TRIM41: variants seen among roughly 807,000 people sequenced by gnomAD.
TRIM41 encodes the protein tripartite motif containing 41, also known as E3 ubiquitin-protein ligase TRIM41.
TRIM41 carries 21 observed loss-of-function variants against 60.6 expected under a neutral mutation model. The observed-to-expected ratio is 0.35, with a 90% CI of 0.25 to 0.50. TRIM41 has a LOEUF of 0.50. Among genes scored for constraint, TRIM41 ranks in the 20% least tolerant of loss-of-function variants. TRIM41 has a pLI of 0.98. For missense variants in TRIM41, 846 were observed against 868.3 expected, an observed-to-expected ratio of 0.97 and a Z score of 0.32; for synonymous variants, 407 against 344.9, an observed-to-expected ratio of 1.18 and a Z score of -2.00.
rs1307691160 is a variant in TRIM41 at position 181,224,278 on chromosome 5, T to G, written c.279T>G (p.Gly93=). The change falls in exon 1 of 6, where the codon GGT becomes GGG. Residue 93 remains glycine (G), a synonymous_variant. Transcript: ENST00000315073. Reference sequence around the variant, plus strand: ...CCATGCGGGATGAAGACTACGAGGGTGACATGGAGGAGGAGGTCGAGGAGG... The same window carrying G: ...CCATGCGGGATGAAGACTACGAGGGGGACATGGAGGAGGAGGTCGAGGAGG... The part of the protein sequence containing the change: ...DTPMRDEDYE[G]DMEEEVEEEE... The G allele has an allele frequency of 1.2e-6, 2 of 1,612,466 alleles. No homozygotes were observed. Among genetic ancestry groups the G allele is most frequent in the South Asian group, 1.1e-5 (1 of 90,998 alleles).
chr5:181,230,938 G>T, intron 2 of TRIM41, 99 bp downstream of exon 2: 1 of 1,084,678 alleles, frequency 9.2e-7, no homozygotes, highest in Non-Finnish European at 1.4e-6. Context: ...CCCCTGAGGA[G>T]GGGACAGCTA....
At position 181,223,509 on chromosome 5, in the gene TRIM41, G is replaced by GC. The variant is rs1374246173; in HGVS notation, c.-488dup. The GC allele has an allele frequency of 7.3e-6, 3 of 413,610 alleles. No homozygotes were observed. The highest frequency in any genetic ancestry group is 3.4e-5 in the East Asian group (1 of 29,358). The allele number at this position is 413,610 out of a possible 1,614,324, so 25.6% of individuals were successfully genotyped here. A position where few individuals can be genotyped will look rare whatever the true frequency, so the allele number is the denominator to read the frequency against. On this transcript the variant is annotated 5_prime_UTR_variant, in exon 1 of 6. It introduces an in-frame stop codon into an upstream open reading frame of the 5' UTR. Coordinates refer to ENST00000315073, the MANE Select transcript of TRIM41 (RefSeq NM_033549.5). ...AGAGACGCGGGCCTCCACCGTCCTA[G>GC]CCCTCCCGCCCTGTTCTCTAGTGCG...
chr5:181,224,865 G>T (rs769044764), intron 1 of TRIM41, 53 bp downstream of exon 1: 1 of 1,610,276 alleles, frequency 6.2e-7, no homozygotes, highest in South Asian at 1.1e-5. Context: ...TGGAGAGGAA[G>T]TAAGGGGACC....
Position 181,234,289 on chromosome 5 carries a change from C to G in TRIM41, c.1407C>G (p.Phe469Leu). Residue 469 changes from phenylalanine (F) to leucine (L), a missense_variant, in exon 6 of 6, where the codon TTC (phenylalanine) becomes TTG (leucine). Physicochemically the swap from Phe to Leu is conservative, Grantham distance 22. Transcript: ENST00000315073. The surrounding 1 kb of genome is among the most constrained non-coding windows in gnomAD (Gnocchi z 5.6). ...RQEVADHPKR[F>L]SADCCVLGAQ... ...AGGTTGCTGACCATCCCAAGCGCTT[C>G]TCGGCCGACTGCTGCGTACTGGGGG... 6.2e-7 allele frequency: 1 copy of G among 1,612,810 alleles called. No individual in the cohort carries two copies. Among genetic ancestry groups the G allele is most frequent in the Non-Finnish European group, 8.5e-7 (1 of 1,179,828 alleles).
chr5:181,229,566 T>TA lies in TRIM41; in HGVS notation c.814-1177dup, dbSNP rs1758702744. 2.0e-5 allele frequency: 3 copies of TA among 152,362 alleles called. No homozygotes were observed. In the East Asian group the frequency reaches 5.8e-4, roughly 29 times the overall value. The allele number at this position is 152,362 out of a possible 1,614,324, so 9.4% of individuals were successfully genotyped here. ...TCGTGTGCCTATTGGCTATAACAGT[T>TA]ACAACCTTTGGAAGAGGGGTTTCGG... is the stretch of plus-strand genomic sequence containing the variant. On this transcript the variant is annotated intron_variant, in intron 1 of 5. Coordinates refer to ENST00000315073, the MANE Select transcript of TRIM41 (RefSeq NM_033549.5).
chr5:181,235,152 A>G lies in TRIM41; in HGVS notation c.*377A>G. 6.5e-7 allele frequency: 1 copy of G among 1,540,850 alleles called. No individual in the cohort carries two copies. Among genetic ancestry groups the G allele is most frequent in the Admixed American group, 2.0e-5 (1 of 50,036 alleles). ...CCCACCCCTGCTCTTCAACCTCTTT[A>G]TCAGTTCTGAGGCTGGAGGGTTTGG... is the stretch of plus-strand genomic sequence containing the variant. On this transcript the variant is annotated 3_prime_UTR_variant, in exon 6 of 6. Coordinates refer to ENST00000315073, the MANE Select transcript of TRIM41 (RefSeq NM_033549.5).
chr5:181,235,736 G>A lies in TRIM41; in HGVS notation c.*961G>A, dbSNP rs1759086748. ...TGCAGCTTTCGCCCTCTGCTTTGATGGCTGAGGTGAACTCATGTTCTTTGG... is the reference window on the plus strand; with the variant it reads ...TGCAGCTTTCGCCCTCTGCTTTGATAGCTGAGGTGAACTCATGTTCTTTGG... On this transcript the variant is annotated 3_prime_UTR_variant, in exon 6 of 6. Transcript: ENST00000315073. The A allele has an allele frequency of 1.8e-5, 5 of 273,248 alleles. No individual in the cohort carries two copies. The highest frequency in any genetic ancestry group is 3.6e-5 in the Non-Finnish European group (5 of 139,920). The allele number at this position is 273,248 out of a possible 1,614,324, so 16.9% of individuals were successfully genotyped here.
Position 181,235,004 on chromosome 5 carries a change from G to A in TRIM41, c.*229G>A. 1 of 1,614,006 alleles carries A rather than the reference G, an allele frequency of 6.2e-7. No homozygotes were observed. The highest frequency in any genetic ancestry group is 1.1e-5 in the South Asian group (1 of 91,084). ...CTATGTCTGTCCAACAGGTCTGCAT[G>A]GGTCCCTGATAATGAGAACAGCTGC... is the stretch of plus-strand genomic sequence containing the variant. On this transcript the variant is annotated 3_prime_UTR_variant, in exon 6 of 6. Coordinates refer to ENST00000315073, the MANE Select transcript of TRIM41 (RefSeq NM_033549.5).
chr5:181,235,331 G>A lies in TRIM41; in HGVS notation c.*556G>A, dbSNP rs185246376. The A allele has an allele frequency of 2.2e-3, 3,496 of 1,614,146 alleles. 5 individuals carry two copies. Among genetic ancestry groups the A allele is most frequent in the African/African-American group, 2.4e-3 (183 of 75,038 alleles). On this transcript the variant is annotated 3_prime_UTR_variant, in exon 6 of 6. Coordinates refer to ENST00000315073, the MANE Select transcript of TRIM41 (RefSeq NM_033549.5). Reference sequence around the variant, plus strand: ...AGGAGGGATTCTAAACTTTCCTTCCGTCCTCAATTTCTACCTCCATAGACC... The same window carrying A: ...AGGAGGGATTCTAAACTTTCCTTCCATCCTCAATTTCTACCTCCATAGACC...
intron 3 of TRIM41, 23 bp downstream of exon 3, chr5:181,232,912 T>C: frequency 6.5e-7 from 1 of 1,534,502 alleles, no homozygotes; most frequent in Non-Finnish European, 8.7e-7. Context: ...CCCTCCCTGT[T>C]CCCCCAGCAT....
Position 181,234,473 on chromosome 5 carries a change from C to T in TRIM41, c.1591C>T (p.His531Tyr). 1 of 1,613,320 alleles carries T rather than the reference C, an allele frequency of 6.2e-7. No homozygotes were observed. The highest frequency in any genetic ancestry group is 1.1e-5 in the South Asian group (1 of 91,022). ...CGGGGATGCCAGCTCCTCGCGCCAT[C>T]ACCATCGCCGCCGCCGGCTCCACCT... ...GSGDASSSRH[H>Y]HRRRRLHLPQ... Residue 531 changes from histidine to tyrosine, a missense_variant, in exon 6 of 6, where the codon CAC becomes TAC. Physicochemically the swap from His to Tyr is moderately conservative, Grantham distance 83. Coordinates refer to ENST00000315073, the MANE Select transcript of TRIM41 (RefSeq NM_033549.5). The surrounding 1 kb of genome is among the most constrained non-coding windows in gnomAD (Gnocchi z 5.6).
intron 2 of TRIM41, 71 bp downstream of exon 2, chr5:181,230,910 C>G (rs2113172576): frequency 1.4e-6 from 2 of 1,394,716 alleles, no homozygotes; most frequent in Middle Eastern, 1.8e-4. Flanking sequence ...TTCCCACTCT[C>G]ACAGGGAGTG....
Position 181,233,341 on chromosome 5 carries a change from G to A in TRIM41, c.1141-72G>A. ...AGTCTCTGACTGGAGATCGGGGAAC[G>A]CTGTCCCTGTGCAGCTGACACTCTC... On this transcript the variant is annotated intron_variant, in intron 3 of 5. Coordinates refer to ENST00000315073, the MANE Select transcript of TRIM41 (RefSeq NM_033549.5). The surrounding 1 kb of genome is among the most constrained non-coding windows in gnomAD (Gnocchi z 4.1). The A allele has an allele frequency of 8.7e-6, 13 of 1,493,396 alleles. No homozygotes were observed. Among genetic ancestry groups the A allele is most frequent in the Non-Finnish European group, 1.2e-5 (13 of 1,074,262 alleles). The allele number at this position is 1,493,396 out of a possible 1,614,324, so 92.5% of individuals were successfully genotyped here. A position where few individuals can be genotyped will look rare whatever the true frequency, so the allele number is the denominator to read the frequency against.
At chr5:181,224,964 G>A (rs1398219730) in intron 1 of TRIM41, 152 bp downstream of exon 1, 7 of 914,560 alleles carry the variant, frequency 7.7e-6, no homozygotes, top group Non-Finnish European at 1.2e-5. Context: ...CTGCCACCAA[G>A]GTGGATTAGA....
chr5:181,230,775 G>A lies in TRIM41; in HGVS notation c.845G>A (p.Arg282Lys). The change falls in exon 2 of 6, where the codon AGG becomes AAG. Residue 282 changes from arginine to lysine, a missense_variant. By Grantham distance (26) the Arg-to-Lys change is conservative (BLOSUM62 2). Transcript: ENST00000315073. ...AKLQGHVEPL[R>K]KHLEAVQKMK... Reference sequence around the variant, plus strand: ...CTGCAGGGGCACGTGGAACCACTGAGGAAGCACCTGGAGGCAGTGCAGAAG... The same window carrying A: ...CTGCAGGGGCACGTGGAACCACTGAAGAAGCACCTGGAGGCAGTGCAGAAG... The A allele has an allele frequency of 6.2e-7, 1 of 1,613,302 alleles. No homozygotes were observed. Among genetic ancestry groups the A allele is most frequent in the Non-Finnish European group, 8.5e-7 (1 of 1,179,502 alleles).
rs748396195 is a variant in TRIM41 at position 181,234,148 on chromosome 5, C to T, written c.1292-26C>T. The T allele has an allele frequency of 5.7e-5, 92 of 1,604,584 alleles. No individual in the cohort carries two copies. The East Asian group carries it at 8.2e-4, about 14-fold the overall frequency. On this transcript the variant is annotated intron_variant, in intron 5 of 5. Transcript: ENST00000315073. This position sits in a 1 kb window ranked among gnomAD's most constrained non-coding sequence, Gnocchi z 5.6. ...AGGGGAACAGCCGTTCCAGCCCTGG[C>T]GTATTTGTCCTCCCTCCCTCCCAAG...
At position 181,234,943 on chromosome 5, in the gene TRIM41, A is replaced by C. The variant is rs1486264719; in HGVS notation, c.*168A>C. The C allele has an allele frequency of 6.2e-7, 1 of 1,612,990 alleles. No homozygotes were observed. The highest frequency in any genetic ancestry group is 8.5e-7 in the Non-Finnish European group (1 of 1,179,776). On this transcript the variant is annotated 3_prime_UTR_variant, in exon 6 of 6. Transcript: ENST00000315073. This position sits in a 1 kb window ranked among gnomAD's most constrained non-coding sequence, Gnocchi z 5.6. ...GCTTCTCCCTCTAGGAGCCTAAAGA[A>C]CCCTCCTGGCCTCCAGCTCAGCCTT...
Position 181,234,138 on chromosome 5 carries a change from C to G in TRIM41, c.1292-36C>G. On this transcript the variant is annotated intron_variant, in intron 5 of 5. Coordinates refer to ENST00000315073, the MANE Select transcript of TRIM41 (RefSeq NM_033549.5). The surrounding 1 kb of genome is among the most constrained non-coding windows in gnomAD (Gnocchi z 5.6). ...GGCTGCTGACAGGGGAACAGCCGTT[C>G]CAGCCCTGGCGTATTTGTCCTCCCT... 6.2e-7 allele frequency: 1 copy of G among 1,602,912 alleles called. No individual in the cohort carries two copies.
At position 181,234,131 on chromosome 5, in the gene TRIM41, A is replaced by G; in HGVS notation, c.1292-43A>G. 6.2e-7 allele frequency: 1 copy of G among 1,601,674 alleles called. No individual in the cohort carries two copies. The highest frequency in any genetic ancestry group is 8.5e-7 in the Non-Finnish European group (1 of 1,179,818). On this transcript the variant is annotated intron_variant, in intron 5 of 5. Coordinates refer to ENST00000315073, the MANE Select transcript of TRIM41 (RefSeq NM_033549.5). The surrounding 1 kb of genome is among the most constrained non-coding windows in gnomAD (Gnocchi z 5.6). ...TGGAGTTGGCTGCTGACAGGGGAAC[A>G]GCCGTTCCAGCCCTGGCGTATTTGT... is the stretch of plus-strand genomic sequence containing the variant.
Sources: gnomAD v4.1 joint callset for allele counts on GRCh38, gnomAD v4.1.1 for gene constraint, Gnocchi (gnomAD v3.1) non-coding constraint, MANE v1.5 for transcripts, NCBI Gene and HGNC (gene_info 2026-07-23, HGNC 2026-07-21) for gene names.